GRIPAP1: variants seen among roughly 807,000 people sequenced by gnomAD.
GRIPAP1 encodes GRIP1 associated protein 1, also known as GRIP1-associated protein 1.
Under a neutral mutation model 84.1 loss-of-function variants are expected in GRIPAP1, and 14 were observed. The observed-to-expected ratio is 0.17, with a 90% CI of 0.11 to 0.26. The LOEUF (loss-of-function observed/expected upper bound fraction) is 0.26. Ranked by LOEUF, GRIPAP1 falls within the 10% of genes least tolerant of loss-of-function variation. The pLI is 1.00. For missense variants in GRIPAP1, 518 were observed against 674.2 expected (o/e 0.77, Z 2.57); for synonymous variants, 261 against 256.8 (o/e 1.02, Z -0.15).
chrX:49,000,659 C>T (rs1301840406), intron 1 of GRIPAP1: 3 of 110,213 alleles, frequency 2.7e-5, no homozygotes, highest in Non-Finnish European at 3.8e-5. Flanking sequence ...CCACTGCACA[C>T]TATAGCCTGG....
chrX:49,002,028 A>G (rs782442520), intron 1 of GRIPAP1, among the ~76,000 whole-genome samples, 160 bp downstream of exon 1: 1 of 110,341 alleles, frequency 9.1e-6, no homozygotes, highest in Non-Finnish European at 1.9e-5. Context: ...CTCGGAATCC[A>G]ATAGTCTCAC....
At chrX:48,987,146 CTTTTTTTTTTT>C (rs1180847647) in intron 13 of GRIPAP1, among the ~76,000 whole-genome samples, 3 of 72,565 alleles carry the variant, frequency 4.1e-5, no homozygotes, top group African/African-American at 1.0e-4. Context: ...CCATGCCCGG[CTTTTTTTTTTT>C]TTTTTTTTTT....
At chrX:48,983,189 G>A (rs2064467178) in intron 16 of GRIPAP1, 39 bp downstream of exon 16, 2 of 1,173,706 alleles carry the variant, frequency 1.7e-6, no homozygotes, top group East Asian at 5.9e-5. Flanking sequence ...TGGTTCCCAG[G>A]TTTTAGAGGA....
Position 48,981,820 on chromosome X carries a change from C to T in GRIPAP1, c.1652G>A (p.Arg551Gln), listed in dbSNP as rs782363296. The T allele has an allele frequency of 6.8e-6, 8 of 1,175,875 alleles. 1 individual carries two copies. The highest frequency in any genetic ancestry group is 5.7e-6 in the Non-Finnish European group (5 of 875,828). Reference sequence around the variant, plus strand: ...CTTCAGCTCGGCAGCGTGCTGCTCCCGACACTGCTTGAGGGCTTCCTCTTG... The same window carrying T: ...CTTCAGCTCGGCAGCGTGCTGCTCCTGACACTGCTTGAGGGCTTCCTCTTG... ...QEQEEALKQC[R>Q]EQHAAELKGK... Residue 551 changes from arginine to glutamine, a missense_variant, in exon 18 of 26, where the codon CGG (arginine) becomes CAG (glutamine). Physicochemically the swap from Arg to Gln is conservative, Grantham distance 43. This residue lies in a region of GRIPAP1 where 372 missense variants were observed against 458.1 expected (regional missense o/e 0.81). Transcript: ENST00000376423.
Position 48,978,351 on chromosome X carries a change from T to A in GRIPAP1, c.2015A>T (p.Tyr672Phe), listed in dbSNP as rs781998171. ...CTCCTTTTCCCGCAAGATCTCCCGGTAGCTGAAGGAGGAGATGCTACTGCT... is the reference window on the plus strand; with the variant it reads ...CTCCTTTTCCCGCAAGATCTCCCGGAAGCTGAAGGAGGAGATGCTACTGCT... ...GDSSSISSFS[Y>F]REILREKESS... Residue 672 changes from tyrosine to phenylalanine, a missense_variant, in exon 22 of 26, where the codon TAC becomes TTC. Physicochemically the swap from Tyr to Phe is conservative, Grantham distance 22. Around this residue, in one of 5 missense-constraint regions of GRIPAP1, gnomAD observed 66 missense variants for 65.2 expected, o/e 1.01. Transcript: ENST00000376423. 5 of 1,207,734 alleles carry A rather than the reference T, an allele frequency of 4.1e-6. No individual in the cohort carries two copies. In the East Asian group the frequency reaches 1.2e-4, roughly 29 times the overall value.
intron 6 of GRIPAP1, among the ~76,000 whole-genome samples, chrX:48,991,712 C>T (rs1268028874): frequency 8.9e-6 from 1 of 112,066 alleles, no homozygotes; most frequent in Non-Finnish European, 1.9e-5. Context: ...GTGGCGCACG[C>T]GCTTGTAATC....
chrX:48,994,527 T>C (rs1557066379), intron 5 of GRIPAP1, among the ~76,000 whole-genome samples: 1 of 111,581 alleles, frequency 9.0e-6, no homozygotes, highest in East Asian at 2.8e-4. Flanking sequence ...CCCGGCCTGC[T>C]TGCAATATTT....
At position 48,975,154 on chromosome X, in the gene GRIPAP1, C is replaced by A; in HGVS notation, c.2433+1G>T. The A allele has an allele frequency of 8.3e-7, 1 of 1,206,255 alleles. No individual in the cohort carries two copies. On this transcript the variant is annotated splice_donor_variant, in intron 25 of 25. Transcript: ENST00000376423. LOFTEE classifies it high-confidence loss of function. ...TGGGTAGGCTGGCAGGCCACACTTG[C>A]CTTGTGCAAGTGCATATTCTTGGTG...
chrX:48,990,818 A>G, intron 7 of GRIPAP1, 86 bp from the exon 8 acceptor site: 10 of 1,040,657 alleles, frequency 9.6e-6, no homozygotes, highest in Non-Finnish European at 1.3e-5. Flanking sequence ...CCCTCACCCC[A>G]TCAGCCCACA....
At position 48,983,808 on chromosome X, in the gene GRIPAP1, C is replaced by G. The variant is rs782796967; in HGVS notation, c.1239G>C (p.Glu413Asp). The change falls in exon 15 of 26, where the codon GAG becomes GAC. Residue 413 changes from glutamate (E) to aspartate (D), a missense_variant. This residue lies in a region of GRIPAP1 where 372 missense variants were observed against 458.1 expected (regional missense o/e 0.81). Transcript: ENST00000376423. ...CCTCCTGTAATTCCTGGGTCAACTG[C>G]TCCTTCTCCTGCCCTATTTCTTGAA... ...EQLQEIGQEK[E>D]QLTQELQEAR... 5.0e-6 allele frequency: 6 copies of G among 1,194,983 alleles called. No homozygotes were observed. The Admixed American group carries it at 1.3e-4, about 26-fold the overall frequency.
intron 19 of GRIPAP1, 34 bp downstream of exon 19, chrX:48,981,562 G>A (rs2064457159): frequency 8.5e-7 from 1 of 1,173,926 alleles, no homozygotes; most frequent in Non-Finnish European, 1.2e-6. Context: ...CTGAGGATCA[G>A]GGGTGTGTCT....
Position 48,974,033 on chromosome X carries a change from A to G in GRIPAP1, c.*160T>C. On this transcript the variant is annotated 3_prime_UTR_variant, in exon 26 of 26. Transcript: ENST00000376423. The stretch of plus-strand genomic sequence containing the variant: ...ACTCCCTGGTGGCCTCTGCCCTAAG[A>G]CAGGATCATTAACACTAACCATCAG... 2.4e-6 allele frequency: 1 copy of G among 417,302 alleles called. No individual in the cohort carries two copies. Among genetic ancestry groups the G allele is most frequent in the East Asian group, 3.8e-5 (1 of 26,210 alleles). The allele number at this position is 417,302 out of a possible 1,213,427, so 34.4% of individuals were successfully genotyped here.
intron 22 of GRIPAP1, 120 bp downstream of exon 22, chrX:48,978,185 A>G: frequency 1.3e-6 from 1 of 787,503 alleles, no homozygotes; most frequent in East Asian, 3.5e-5. Flanking sequence ...AAAGTTGACA[A>G]GAAAATATGT....
intron 5 of GRIPAP1, among the ~76,000 whole-genome samples, chrX:48,995,204 G>C (rs1333750891): frequency 3.6e-5 from 4 of 112,100 alleles, no homozygotes; most frequent in Non-Finnish European, 7.5e-5. Context: ...GGAGGAGGAA[G>C]GGGACTATGT....
At position 48,976,221 on chromosome X, in the gene GRIPAP1, G is replaced by A. The variant is rs1557060450; in HGVS notation, c.2184+20C>T. On this transcript the variant is annotated intron_variant, in intron 23 of 25. Transcript: ENST00000376423. ...AGGGCACTTCAAGTGGGGATGGGCA[G>A]GCAGGCAGGCAGGCAGCACCTTCTC... 4.3e-6 allele frequency: 5 copies of A among 1,172,451 alleles called. No homozygotes were observed. In the South Asian group the frequency reaches 9.4e-5, roughly 22 times the overall value.
At position 48,993,530 on chromosome X, in the gene GRIPAP1, C is replaced by T; in HGVS notation, c.355G>A (p.Glu119Lys). 8.4e-7 allele frequency: 1 copy of T among 1,185,307 alleles called. No individual in the cohort carries two copies. The highest frequency in any genetic ancestry group is 1.1e-6 in the Non-Finnish European group (1 of 881,257). ...GCAACCCCTGCTCCTGCAGCCCCCT[C>T]CTTCAGTTGCTGGTTCTCTTGCTCC... is the stretch of plus-strand genomic sequence containing the variant. ...QLEQENQQLK[E>K]GAAGAGVAQA... Residue 119 changes from glutamate to lysine, a missense_variant, in exon 6 of 26, where the codon GAG (glutamate) becomes AAG (lysine). Glu to Lys is a moderately conservative substitution (Grantham distance 56, BLOSUM62 1). This residue lies in a region of GRIPAP1 where 372 missense variants were observed against 458.1 expected (regional missense o/e 0.81). Coordinates refer to ENST00000376423, the MANE Select transcript of GRIPAP1 (RefSeq NM_020137.5).
intron 6 of GRIPAP1, 89 bp from the exon 7 acceptor site, chrX:48,991,199 C>T (rs1303462103): frequency 4.7e-6 from 3 of 642,164 alleles, no homozygotes; most frequent in Non-Finnish European, 5.1e-6. Context: ...TGGCCTTCAA[C>T]CCCTCAGGTG....
In GRIPAP1 at chrX:48,993,421, T is replaced by C; in HGVS notation, c.457+7A>G. 2 of 1,134,687 alleles carry C rather than the reference T, an allele frequency of 1.8e-6. No homozygotes were observed. The highest frequency in any genetic ancestry group is 2.3e-6 in the Non-Finnish European group (2 of 856,972). The allele number at this position is 1,134,687 out of a possible 1,213,427, so 93.5% of individuals were successfully genotyped here. On this transcript the variant is annotated splice_region_variant and intron_variant, in intron 6 of 25. Coordinates refer to ENST00000376423, the MANE Select transcript of GRIPAP1 (RefSeq NM_020137.5). The stretch of plus-strand genomic sequence containing the variant: ...GTCTCCGCATCCCCAGGAGGGCCTC[T>C]ATGCACCTGCCACGTTCTTCTGCAA...
intron 5 of GRIPAP1, among the ~76,000 whole-genome samples, chrX:48,994,286 C>T (rs968300982): frequency 9.8e-6 from 1 of 102,231 alleles, no homozygotes; most frequent in Non-Finnish European, 2.0e-5. Context: ...TACAGTGGCA[C>T]GATTTCAGCC....
Sources: gnomAD v4.1 joint callset for allele counts (sites outside exome capture counted in the v4.1 genomes callset) on GRCh38, gnomAD v4.1.1 for gene constraint, gnomAD v4.1.1 regional missense constraint, MANE v1.5 for transcripts, NCBI Gene and HGNC (gene_info 2026-07-23, HGNC 2026-07-21) for gene names.